The following FER1L6 variants were observed in gnomAD, a reference collection of about 807,000 sequenced individuals.
The protein encoded by FER1L6 is fer-1-like protein 6.
A neutral mutation model predicts 219.2 loss-of-function variants in FER1L6; 177 were observed. The ratio of observed to expected loss-of-function variants is 0.81; its 90% confidence interval spans 0.71 to 0.91. FER1L6 has a LOEUF of 0.91. Among genes scored for constraint, FER1L6 ranks in the 40% least tolerant of loss-of-function variants. FER1L6 has a pLI of 0.00. For missense variants in FER1L6, 2,153 were observed against 2,259.9 expected (o/e 0.95, Z 0.96); for synonymous variants, 768 against 824.3 (o/e 0.93, Z 1.17).
intron 1 of FER1L6, among the ~76,000 whole-genome samples, chr8:123,949,483 C>G (rs1814658968): frequency 6.6e-6 from 1 of 152,074 alleles, no homozygotes; most frequent in African/African-American, 2.4e-5. Context: ...ATAAACATAC[C>G]CTTCTCTTTA....
intron 12 of FER1L6, among the ~76,000 whole-genome samples, chr8:123,997,143 T>C (rs1026912640): frequency 3.3e-5 from 5 of 152,160 alleles, no homozygotes; most frequent in East Asian, 1.9e-4. Flanking sequence ...CATTAACATC[T>C]TTTTCTTTCA....
chr8:123,910,444 GC>G (rs1813031441), intron 1 of FER1L6, among the ~76,000 whole-genome samples: 1 of 152,206 alleles, frequency 6.6e-6, no homozygotes, highest in African/African-American at 2.4e-5. Flanking sequence ...TGCCGGAGTT[GC>G]TTTGGGTCAA....
chr8:123,887,954 G>T (rs150878753), intron 1 of FER1L6, among the ~76,000 whole-genome samples: 16 of 152,130 alleles, frequency 1.1e-4, no homozygotes, highest in African/African-American at 3.9e-4. Flanking sequence ...AATTAACATT[G>T]CTCATAAAAC....
At chr8:124,084,503 G>A (rs985700071) in intron 33 of FER1L6, among the ~76,000 whole-genome samples, 1 of 152,060 alleles carries the variant, frequency 6.6e-6, no homozygotes, top group Non-Finnish European at 1.5e-5. Flanking sequence ...TGCTTTTTAA[G>A]TGTCAATTGA....
At chr8:124,091,871 G>A (rs970227426) in intron 34 of FER1L6, among the ~76,000 whole-genome samples, 6 of 151,940 alleles carry the variant, frequency 3.9e-5, no homozygotes, top group Non-Finnish European at 8.8e-5. Flanking sequence ...GGAGGCTGAG[G>A]CACGAGAATC....
chr8:123,951,659 C>T (rs1814775085), intron 1 of FER1L6, among the ~76,000 whole-genome samples: 1 of 152,138 alleles, frequency 6.6e-6, no homozygotes, highest in South Asian at 2.1e-4. Context: ...TTAAGCTAGA[C>T]CTCATTACAT....
intron 1 of FER1L6, among the ~76,000 whole-genome samples, chr8:123,903,231 A>G (rs1353550176): frequency 6.6e-6 from 1 of 152,192 alleles, no homozygotes; most frequent in Non-Finnish European, 1.5e-5. Flanking sequence ...TTTTATTATT[A>G]TGTTTGCATC....
In FER1L6 at chr8:124,119,697, T is replaced by C. The variant is rs1420362255; in HGVS notation, c.5481T>C (p.Ile1827=). The change falls in exon 41 of 41, where the codon ATT becomes ATC. Residue 1827 remains isoleucine (I), a synonymous_variant. Transcript: ENST00000522917. ...IWKNYKKYII[I]AFILIILIIF... ...AGAATTACAAAAAGTACATCATCAT[T>C]GCTTTCATTCTCATCATCCTCATCA... 1 of 1,613,346 alleles carries C rather than the reference T, an allele frequency of 6.2e-7. No individual in the cohort carries two copies. Among genetic ancestry groups the C allele is most frequent in the African/African-American group, 1.3e-5 (1 of 74,872 alleles).
intron 12 of FER1L6, among the ~76,000 whole-genome samples, chr8:123,998,436 G>T (rs929330133): frequency 7.9e-6 from 1 of 125,802 alleles, no homozygotes; most frequent in Admixed American, 9.2e-5. Context: ...GTACTGAGTT[G>T]CCTGGAGCTG....
chr8:123,907,353 G>A (rs1025357152), intron 1 of FER1L6, among the ~76,000 whole-genome samples: 4 of 152,064 alleles, frequency 2.6e-5, no homozygotes, highest in African/African-American at 4.8e-5. Context: ...CAGATCACAC[G>A]GTCATAGCTG....
At chr8:124,067,888 T>A in intron 28 of FER1L6, 82 bp downstream of exon 28, 2 of 1,129,924 alleles carry the variant, frequency 1.8e-6, no homozygotes, top group Non-Finnish European at 2.7e-6. Flanking sequence ...CCACGGGAGG[T>A]GTATTAGAGC....
At chr8:123,975,021 A>G in intron 7 of FER1L6, 129 bp from the exon 8 acceptor site, 1 of 777,866 alleles carries the variant, frequency 1.3e-6, no homozygotes. Context: ...TTTGGAAAAA[A>G]CTGAGATGAT....
intron 13 of FER1L6, among the ~76,000 whole-genome samples, chr8:124,006,209 T>G (rs1445972737): frequency 1.3e-5 from 2 of 152,190 alleles, no homozygotes; most frequent in Non-Finnish European, 2.9e-5. Flanking sequence ...TCTACCTTGA[T>G]GGATTAGCCA....
At chr8:124,049,478 G>C in intron 21 of FER1L6, 129 bp from the exon 22 acceptor site, 1 of 1,066,450 alleles carries the variant, frequency 9.4e-7, no homozygotes, top group Non-Finnish European at 1.4e-6. Context: ...AGCTTGGCAG[G>C]AGAAAAGAGT....
chr8:123,994,606 C>G (rs1216992388), intron 12 of FER1L6, among the ~76,000 whole-genome samples: 1 of 152,212 alleles, frequency 6.6e-6, no homozygotes, highest in East Asian at 1.9e-4. Flanking sequence ...CTGGTGGAGA[C>G]AGCAACTGCA....
chr8:124,050,806 T>G (rs1310865714), intron 22 of FER1L6, among the ~76,000 whole-genome samples: 1 of 151,816 alleles, frequency 6.6e-6, no homozygotes, highest in Non-Finnish European at 1.5e-5. Flanking sequence ...CATGAGCGTT[T>G]TGCCCTCATG....
intron 12 of FER1L6, among the ~76,000 whole-genome samples, chr8:123,991,598 C>T (rs1003354259): frequency 1.3e-5 from 2 of 151,870 alleles, no homozygotes; most frequent in African/African-American, 4.8e-5. Flanking sequence ...GTCGAGGAGT[C>T]TTTAGGGTTT....
At chr8:123,867,073 A>G (rs766043462) in intron 1 of FER1L6, among the ~76,000 whole-genome samples, 9 of 152,022 alleles carry the variant, frequency 5.9e-5, no homozygotes, top group Non-Finnish European at 1.3e-4. Flanking sequence ...TTTTGATGCA[A>G]TCTCATTTGT....
chr8:123,989,111 G>C (rs1330797231), intron 12 of FER1L6, among the ~76,000 whole-genome samples: 1 of 152,048 alleles, frequency 6.6e-6, no homozygotes, highest in East Asian at 1.9e-4. Flanking sequence ...CCATTCTGTT[G>C]ACGTGATGTA....
Sources: allele counts gnomAD v4.1 joint callset (sites outside exome capture counted in the v4.1 genomes callset), GRCh38; gene constraint gnomAD v4.1.1; transcripts MANE v1.5; gene names NCBI Gene and HGNC (gene_info 2026-07-23, HGNC 2026-07-21).